SLC35F1: variants seen among roughly 807,000 people sequenced by gnomAD.
SLC35F1 encodes the protein solute carrier family 35 member F1, also known as chromosome 6 open reading frame 169.
In SLC35F1, 14 loss-of-function variants were observed where a neutral mutation model predicts 48.7. The observed-to-expected ratio is 0.29, with a 90% CI of 0.19 to 0.45. SLC35F1 has a LOEUF of 0.45. Ranked by LOEUF, SLC35F1 falls within the 20% of genes least tolerant of loss-of-function variation. The probability of loss-of-function intolerance (pLI) is 1.00; values close to 1 mark genes in which losing one functional copy is unlikely to be tolerated. For missense variants in SLC35F1, 404 were observed against 500.0 expected (o/e 0.81, Z 1.83); for synonymous variants, 190 against 202.2 (o/e 0.94, Z 0.51).
chr6:118,149,098 A>G (rs886493840), intron 1 of SLC35F1, among the ~76,000 whole-genome samples: 13 of 152,216 alleles, frequency 8.5e-5, no homozygotes, highest in Non-Finnish European at 1.9e-4. Flanking sequence ...AATAAAATAC[A>G]TTCCCTTCTT....
chr6:118,116,130 T>G (rs1214965142), intron 1 of SLC35F1, among the ~76,000 whole-genome samples: 1 of 152,184 alleles, frequency 6.6e-6, no homozygotes, highest in East Asian at 1.9e-4. Flanking sequence ...CCCCAAGTGC[T>G]CCTTTCATAC....
intron 3 of SLC35F1, among the ~76,000 whole-genome samples, chr6:118,237,780 C>T (rs1012313795): frequency 7.2e-5 from 11 of 152,124 alleles, no homozygotes; most frequent in Non-Finnish European, 1.5e-4. Flanking sequence ...CTTTTAGATA[C>T]GTCGTAGTTG....
intron 2 of SLC35F1, among the ~76,000 whole-genome samples, chr6:118,233,343 C>T (rs144902106): frequency 1.2e-4 from 19 of 152,240 alleles, no homozygotes; most frequent in African/African-American, 3.9e-4. Context: ...CAAATCCTGA[C>T]GAATGTGTTG....
chr6:118,043,801 G>A (rs1391696095), intron 1 of SLC35F1, among the ~76,000 whole-genome samples: 1 of 152,224 alleles, frequency 6.6e-6, no homozygotes, highest in Non-Finnish European at 1.5e-5. Flanking sequence ...GACAGGCAGT[G>A]TGAAGAAATG....
At chr6:118,306,184 G>A (rs996672439) in intron 7 of SLC35F1, among the ~76,000 whole-genome samples, 1 of 146,524 alleles carries the variant, frequency 6.8e-6, no homozygotes, top group Non-Finnish European at 1.5e-5. Context: ...CCAGGTGGCA[G>A]CCTTAACTTT....
intron 1 of SLC35F1, among the ~76,000 whole-genome samples, chr6:118,063,782 G>A (rs186266328): frequency 2.0e-5 from 3 of 151,324 alleles, no homozygotes; most frequent in South Asian, 4.2e-4. Context: ...GAATTAGCCC[G>A]ATTATGTTTT....
At chr6:118,205,968 A>G (rs1295147504) in intron 2 of SLC35F1, among the ~76,000 whole-genome samples, 3 of 152,174 alleles carry the variant, frequency 2.0e-5, no homozygotes, top group African/African-American at 7.2e-5. Flanking sequence ...AAGAAAGGTT[A>G]CCAGGGACTG....
In SLC35F1 at chr6:118,260,964, C is replaced by G. The variant is rs372837388; in HGVS notation, c.478-6031C>G. Among the ~76,000 whole-genome samples the G allele has an allele frequency of 6.6e-5, 10 of 152,238 alleles. No individual in the cohort carries two copies. In the East Asian group the frequency reaches 7.7e-4, roughly 12 times the overall value. The stretch of plus-strand genomic sequence containing the variant: ...TGATTATAACTGAATTTATAAAACT[C>G]TGAAGTTACTCTGTTCACTTGACTG... On this transcript the variant is annotated intron_variant, in intron 3 of 7. Transcript: ENST00000360388.
intron 2 of SLC35F1, among the ~76,000 whole-genome samples, chr6:118,174,708 C>T (rs892208966): frequency 5.7e-4 from 86 of 151,740 alleles, no homozygotes; most frequent in African/African-American, 2.0e-3. Context: ...TCAGCAAATC[C>T]CAAGCAGAAA....
At chr6:117,923,689 ATG>A (rs1234304371) in intron 1 of SLC35F1, among the ~76,000 whole-genome samples, 4 of 55,394 alleles carry the variant, frequency 7.2e-5, no homozygotes, top group African/African-American at 1.9e-4. Context: ...ATATATACAT[ATG>A]TACATATACA....
chr6:118,045,063 T>G (rs1236314170), intron 1 of SLC35F1, among the ~76,000 whole-genome samples: 2 of 152,336 alleles, frequency 1.3e-5, no homozygotes. Flanking sequence ...GTTTTTAAAA[T>G]ACATTTAAAA....
intron 1 of SLC35F1, among the ~76,000 whole-genome samples, chr6:118,106,524 A>T (rs1773329475): frequency 6.6e-6 from 1 of 152,094 alleles, no homozygotes; most frequent in Non-Finnish European, 1.5e-5. Flanking sequence ...ATCACTCCTC[A>T]CCATTTCACT....
At chr6:118,100,818 A>G (rs1773245970) in intron 1 of SLC35F1, among the ~76,000 whole-genome samples, 1 of 152,160 alleles carries the variant, frequency 6.6e-6, no homozygotes, top group South Asian at 2.1e-4. Context: ...ATGTGGTACA[A>G]AGCTACAACC....
chr6:118,287,815 C>T (rs1776069302), intron 7 of SLC35F1, among the ~76,000 whole-genome samples: 1 of 152,160 alleles, frequency 6.6e-6, no homozygotes, highest in South Asian at 2.1e-4. Context: ...CGCTAATTCT[C>T]GGCAATCTAT....
chr6:118,212,755 G>GA (rs1399963654), intron 2 of SLC35F1, among the ~76,000 whole-genome samples: 9 of 145,958 alleles, frequency 6.2e-5, no homozygotes, highest in African/African-American at 2.3e-4. Flanking sequence ...AGGAAGGAAG[G>GA]AAGGAAGGAA....
intron 1 of SLC35F1, among the ~76,000 whole-genome samples, chr6:118,151,318 C>T (rs1369251221): frequency 6.6e-6 from 1 of 152,084 alleles, no homozygotes; most frequent in Non-Finnish European, 1.5e-5. Flanking sequence ...ATGAGTATAA[C>T]CTCTGCATAT....
At chr6:118,144,015 A>G (rs146384971) in intron 1 of SLC35F1, among the ~76,000 whole-genome samples, 273 of 152,300 alleles carry the variant, frequency 1.8e-3, no homozygotes, top group African/African-American at 6.3e-3. Context: ...TAGTTCAACC[A>G]TTGTGGAAGA....
intron 1 of SLC35F1, among the ~76,000 whole-genome samples, chr6:117,997,966 A>G (rs1302111437): frequency 6.6e-6 from 1 of 151,304 alleles, no homozygotes; most frequent in East Asian, 1.9e-4. Context: ...TCCAATTAAA[A>G]GACACAGACT....
intron 2 of SLC35F1, among the ~76,000 whole-genome samples, chr6:118,177,626 ACT>A (rs1774509652): frequency 6.6e-6 from 1 of 151,790 alleles, no homozygotes; most frequent in Non-Finnish European, 1.5e-5. Context: ...TGGCCTCTAA[ACT>A]CTTGTTATTG....
Sources: gnomAD v4.1 joint callset for allele counts (sites outside exome capture counted in the v4.1 genomes callset) on GRCh38, gnomAD v4.1.1 for gene constraint, MANE v1.5 for transcripts, NCBI Gene and HGNC (gene_info 2026-07-23, HGNC 2026-07-21) for gene names.